Variants in ABCB7 observed in about 807,000 individuals in gnomAD.
ABCB7 encodes the protein iron-sulfur clusters transporter ABCB7, mitochondrial.
A neutral mutation model predicts 54.4 loss-of-function variants in ABCB7; 7 were observed. The observed-to-expected ratio is 0.13, with a 90% confidence interval of 0.07 to 0.24. ABCB7 has a LOEUF of 0.24. ABCB7 is among the 10% of genes least tolerant of loss of function. ABCB7 has a pLI of 1.00. For missense variants in ABCB7, 356 were observed against 570.4 expected (o/e 0.62, Z 3.83); for synonymous variants, 218 against 207.1 (o/e 1.05, Z -0.45).
chrX:75,133,041 T>C (rs757486269), intron 1 of ABCB7, among the ~76,000 whole-genome samples: 1 of 112,112 alleles, frequency 8.9e-6, no homozygotes, highest in South Asian at 3.7e-4. Context: ...GAAGATCACC[T>C]AGATTCAGGA....
intron 1 of ABCB7, among the ~76,000 whole-genome samples, chrX:75,117,260 G>A (rs773301126): frequency 1.1e-4 from 12 of 109,265 alleles, no homozygotes; most frequent in Non-Finnish European, 2.3e-4. Flanking sequence ...TCGACCTAAA[G>A]GCTAACTTTG....
At chrX:75,128,700 C>T (rs1181263851) in intron 1 of ABCB7, among the ~76,000 whole-genome samples, 7 of 111,979 alleles carry the variant, frequency 6.3e-5, no homozygotes, top group Non-Finnish European at 1.3e-4. Context: ...ATCCATCTGA[C>T]AAAGGGCTAA....
intron 1 of ABCB7, among the ~76,000 whole-genome samples, chrX:75,141,679 T>G (rs2082055079): frequency 8.9e-6 from 1 of 111,846 alleles, no homozygotes; most frequent in African/African-American, 3.2e-5. Context: ...CTTTCCTGAT[T>G]GTTTCCTTAA....
intron 1 of ABCB7, among the ~76,000 whole-genome samples, chrX:75,140,158 C>T (rs1175219211): frequency 8.9e-6 from 1 of 111,956 alleles, no homozygotes; most frequent in African/African-American, 3.2e-5. Context: ...AATAGCTCCT[C>T]TGGAAGAATA....
chrX:75,115,786 T>G (rs1602386889), intron 1 of ABCB7, among the ~76,000 whole-genome samples: 1 of 91,982 alleles, frequency 1.1e-5, no homozygotes, highest in African/African-American at 3.9e-5. Flanking sequence ...GTGTGTGTGT[T>G]GGGGGGGGGG....
chrX:75,083,729 A>AT (rs2081474837), intron 4 of ABCB7, among the ~76,000 whole-genome samples: 3 of 104,198 alleles, frequency 2.9e-5, no homozygotes, highest in African/African-American at 1.1e-4. Flanking sequence ...TATATATATA[A>AT]AATATAAAAA....
In ABCB7 at chrX:75,116,580, G is replaced by C. The variant is rs902038063; in HGVS notation, c.169-1749C>G. On this transcript the variant is annotated intron_variant, in intron 1 of 15. Transcript: ENST00000373394. ...CATGTGAAATACCACACAGACATCT[G>C]CAAAATGGACACACACCTTTTTGAA... Among the ~76,000 whole-genome samples, 4 of 111,413 alleles carry C rather than the reference G, an allele frequency of 3.6e-5. No individual in the cohort carries two copies. The Admixed American group carries it at 3.8e-4, about 11-fold the overall frequency.
At chrX:75,156,056 C>T in intron 1 of ABCB7, 49 bp downstream of exon 1, 2 of 1,195,538 alleles carry the variant, frequency 1.7e-6, no homozygotes, top group Non-Finnish European at 2.3e-6. Flanking sequence ...CTTTTCCCTA[C>T]AGGTCCCCTT....
intron 1 of ABCB7, among the ~76,000 whole-genome samples, chrX:75,139,190 C>T (rs2082037277): frequency 9.0e-6 from 1 of 110,818 alleles, no homozygotes; most frequent in Non-Finnish European, 1.9e-5. Context: ...ATTCCCTCTG[C>T]TCAAAATTAT....
intron 1 of ABCB7, among the ~76,000 whole-genome samples, chrX:75,151,475 A>G (rs1203468522): frequency 2.7e-5 from 3 of 111,408 alleles, no homozygotes; most frequent in African/African-American, 9.8e-5. Context: ...CTAAGCTCAT[A>G]ATTAAATTAC....
chrX:75,151,826 A>G (rs2082133933), intron 1 of ABCB7, among the ~76,000 whole-genome samples: 1 of 112,139 alleles, frequency 8.9e-6, no homozygotes, highest in Non-Finnish European at 1.9e-5. Flanking sequence ...TTCATCCCAC[A>G]ATACCAAGTT....
intron 4 of ABCB7, among the ~76,000 whole-genome samples, chrX:75,094,019 CATATATATATAT>C (rs199523853): frequency 2.2e-5 from 1 of 46,029 alleles, no homozygotes; most frequent in African/African-American, 9.3e-5. Context: ...CTGTTATATA[CATATATATATAT>C]ATATATATAT....
intron 15 of ABCB7, among the ~76,000 whole-genome samples, chrX:75,056,722 T>C (rs1445395079): frequency 2.7e-5 from 3 of 111,392 alleles, no homozygotes; most frequent in Non-Finnish European, 5.6e-5. Flanking sequence ...TATTCCAATA[T>C]ATCGCAAGGT....
At chrX:75,081,035 C>T (rs1422550875) in intron 4 of ABCB7, among the ~76,000 whole-genome samples, 1 of 111,669 alleles carries the variant, frequency 9.0e-6, no homozygotes, top group African/African-American at 3.3e-5. Context: ...GGATTCTCAT[C>T]TCCACCCACA....
chrX:75,152,208 C>T (rs1198549890), intron 1 of ABCB7, among the ~76,000 whole-genome samples: 1 of 112,027 alleles, frequency 8.9e-6, no homozygotes, highest in African/African-American at 3.2e-5. Context: ...TTTGTGTCCC[C>T]CTAAAATTCC....
At chrX:75,070,946 A>AAATAAC (rs199699650) in intron 9 of ABCB7, among the ~76,000 whole-genome samples, 2 of 109,906 alleles carry the variant, frequency 1.8e-5, no homozygotes, top group East Asian at 5.9e-4. Context: ...AAACAAAATG[A>AAATAAC]AACAACAACA....
At chrX:75,131,109 T>C (rs1477018668) in intron 1 of ABCB7, among the ~76,000 whole-genome samples, 3 of 107,320 alleles carry the variant, frequency 2.8e-5, no homozygotes, top group Non-Finnish European at 1.9e-5. Context: ...TAACTAAGAG[T>C]CACATAGACA....
chrX:75,067,355 A>G (rs2081328638), intron 12 of ABCB7, among the ~76,000 whole-genome samples: 1 of 112,193 alleles, frequency 8.9e-6, no homozygotes, highest in Admixed American at 9.4e-5. Flanking sequence ...GGATGAGGAT[A>G]ATTGTTACAA....
At chrX:75,138,357 C>A (rs751219843) in intron 1 of ABCB7, among the ~76,000 whole-genome samples, 1 of 112,129 alleles carries the variant, frequency 8.9e-6, no homozygotes, top group Non-Finnish European at 1.9e-5. Context: ...CGTATGTACA[C>A]ACACACATAC....
Sources: allele counts gnomAD v4.1 joint callset (sites outside exome capture counted in the v4.1 genomes callset), GRCh38; gene constraint gnomAD v4.1.1; transcripts MANE v1.5; gene names NCBI Gene and HGNC (gene_info 2026-07-23, HGNC 2026-07-21).